Variants in IPO8 observed in about 807,000 individuals in gnomAD.
The protein encoded by IPO8 is importin-8.
Under a neutral mutation model 141.2 loss-of-function variants are expected in IPO8, and 65 were observed. That is an observed-to-expected ratio of 0.46 (90% CI 0.38 to 0.57). The LOEUF (loss-of-function observed/expected upper bound fraction) is 0.57. Ranked by LOEUF, IPO8 falls within the 20% of genes least tolerant of loss-of-function variation. The pLI is 0.00. For synonymous variants in IPO8, 411 were observed against 420.3 expected, an observed-to-expected ratio of 0.98 and a Z score of 0.27; for missense variants, 980 against 1,246.8, an observed-to-expected ratio of 0.79 and a Z score of 3.22.
chr12:30,691,345 G>A (rs2053289285), intron 1 of IPO8, among the ~76,000 whole-genome samples: 1 of 152,172 alleles, frequency 6.6e-6, no homozygotes, highest in Admixed American at 6.5e-5. Context: ...CTCTACTGCT[G>A]TACTATCTTT....
chr12:30,678,256 A>T (rs928019604), intron 5 of IPO8, among the ~76,000 whole-genome samples: 2 of 152,236 alleles, frequency 1.3e-5, no homozygotes, highest in African/African-American at 4.8e-5. Flanking sequence ...TTATAAGCAT[A>T]GACTAACGTC....
chr12:30,688,212 A>G (rs2053260723), intron 2 of IPO8: 1 of 182,782 alleles, frequency 5.5e-6, no homozygotes, highest in Non-Finnish European at 1.2e-5. Context: ...ACATGATAAT[A>G]TTAATAATGC....
rs1020274999 is a variant in IPO8, at chr12:30,652,252, A to G, written c.2112T>C (p.Asp704=). 14 of 1,605,344 alleles carry G rather than the reference A, an allele frequency of 8.7e-6. No individual in the cohort carries two copies. The Middle Eastern group carries it at 2.0e-3, about 228-fold the overall frequency. ...TTGCATTTGATAGTAAGGTATCTGT[A>G]TCTATTGTCACATAATTATGCAGGA... ...MPLLHNYVTI[D]TDTLLSNAKH... The change falls in exon 19 of 25, where the codon GAT becomes GAC. Residue 704 remains aspartate (D), a synonymous_variant. Transcript: ENST00000256079.
At chr12:30,654,238 A>T (rs2052766243) in intron 17 of IPO8, among the ~76,000 whole-genome samples, 1 of 151,964 alleles carries the variant, frequency 6.6e-6, no homozygotes, top group African/African-American at 2.4e-5. Flanking sequence ...AAGATCTGAC[A>T]TGATAAAACT....
intron 16 of IPO8, among the ~76,000 whole-genome samples, chr12:30,659,317 C>T (rs1320016839): frequency 1.3e-5 from 2 of 152,040 alleles, no homozygotes; most frequent in Admixed American, 1.3e-4. Context: ...TGGTGAAACC[C>T]CTTCTCCACT....
chr12:30,644,640 GTTT>G (rs796136798), intron 20 of IPO8, among the ~76,000 whole-genome samples: 1 of 89,556 alleles, frequency 1.1e-5, no homozygotes, highest in Non-Finnish European at 2.3e-5. Context: ...GCTTTTTGGT[GTTT>G]TTTTTTTTTG....
chr12:30,662,247 A>T, intron 15 of IPO8, 80 bp downstream of exon 15: 1 of 1,146,724 alleles, frequency 8.7e-7, no homozygotes, highest in Admixed American at 2.1e-5. Context: ...GTACAAATAA[A>T]ACTGAACTCC....
intron 17 of IPO8, among the ~76,000 whole-genome samples, chr12:30,655,579 T>C (rs1272207325): frequency 1.3e-5 from 2 of 152,152 alleles, no homozygotes; most frequent in Non-Finnish European, 2.9e-5. Context: ...CTGTTCTTTC[T>C]ATGAGTTTGA....
chr12:30,660,023 G>A (rs2052863033), intron 16 of IPO8, among the ~76,000 whole-genome samples: 1 of 152,040 alleles, frequency 6.6e-6, no homozygotes, highest in South Asian at 2.1e-4. Context: ...AGGAGTTCAA[G>A]ACCAGCCTGG....
At chr12:30,688,103 G>C (rs1377080826) in intron 2 of IPO8, among the ~76,000 whole-genome samples, 2 of 152,060 alleles carry the variant, frequency 1.3e-5, no homozygotes, top group Admixed American at 1.3e-4. Flanking sequence ...TTTTACTAAA[G>C]AGTCTCTTCA....
intron 14 of IPO8, 51 bp downstream of exon 14, chr12:30,663,438 A>T (rs768916014): frequency 6.7e-7 from 1 of 1,482,006 alleles, no homozygotes; most frequent in Non-Finnish European, 9.2e-7. Context: ...ATTAGGGAAG[A>T]AAGTAAATGA....
intron 7 of IPO8, 130 bp from the exon 8 acceptor site, chr12:30,674,204 T>TC (rs371460682): frequency 3.3e-5 from 19 of 577,158 alleles, no homozygotes; most frequent in Admixed American, 5.7e-5. Flanking sequence ...TGCCTTTTTT[T>TC]CCCACAAGCC....
chr12:30,694,955 G>C, intron 1 of IPO8: 1 of 455,714 alleles, frequency 2.2e-6, no homozygotes, highest in Non-Finnish European at 4.4e-6. Context: ...GCATTCATAA[G>C]AAATTTCTCC....
chr12:30,675,054 A>C (rs1168280086), intron 6 of IPO8, among the ~76,000 whole-genome samples: 1 of 152,228 alleles, frequency 6.6e-6, no homozygotes, highest in Non-Finnish European at 1.5e-5. Flanking sequence ...AGGGTTCTAC[A>C]TTTTTATCTG....
chr12:30,662,303 T>C (rs1431412361), intron 15 of IPO8, 24 bp downstream of exon 15: 2 of 1,591,086 alleles, frequency 1.3e-6, no homozygotes, highest in East Asian at 4.5e-5. Flanking sequence ...TAAACCAAAT[T>C]AACATAAAAC....
chr12:30,661,966 T>C (rs2052893629), intron 15 of IPO8, among the ~76,000 whole-genome samples: 1 of 152,180 alleles, frequency 6.6e-6, no homozygotes, highest in Admixed American at 6.5e-5. Flanking sequence ...ATGGATATAT[T>C]TTGAGAAATG....
In IPO8 at chr12:30,637,224, G is replaced by C. The variant is rs1214304617; in HGVS notation, c.2490-37C>G. 5 of 1,484,458 alleles carry C rather than the reference G, an allele frequency of 3.4e-6. No homozygotes were observed. The African/African-American group carries it at 6.9e-5, about 21-fold the overall frequency. 92.0% of individuals were successfully genotyped at this position (1,484,458 alleles called of 1,614,324 possible). ...GAAGAAAAAAAAAATGTAGACATGAGAAGTGGAATAAAGAACAAATTCTGG... is the reference window on the plus strand; with the variant it reads ...GAAGAAAAAAAAAATGTAGACATGACAAGTGGAATAAAGAACAAATTCTGG... On this transcript the variant is annotated intron_variant, in intron 21 of 24. Transcript: ENST00000256079.
intron 10 of IPO8, among the ~76,000 whole-genome samples, chr12:30,668,059 AAGAGAGAG>A (rs57185367): frequency 1.3e-5 from 2 of 149,516 alleles, no homozygotes; most frequent in Non-Finnish European, 3.0e-5. Flanking sequence ...GAACAAAAAA[AAGAGAGAG>A]AGAGAGAGAG....
intron 16 of IPO8, among the ~76,000 whole-genome samples, chr12:30,658,876 CTTTTTTTTTTTT>C (rs11337753): frequency 1.1e-5 from 1 of 90,188 alleles, no homozygotes; most frequent in African/African-American, 4.7e-5. Context: ...AGTATCAAGC[CTTTTTTTTTTTT>C]TTTTTTTTTG....
Sources: gnomAD v4.1 joint callset for allele counts (sites outside exome capture counted in the v4.1 genomes callset) on GRCh38, gnomAD v4.1.1 for gene constraint, MANE v1.5 for transcripts, NCBI Gene and HGNC (gene_info 2026-07-23, HGNC 2026-07-21) for gene names.